BABAM2: variants seen among roughly 807,000 people sequenced by gnomAD.
BABAM2 encodes the protein BRISC and BRCA1-A complex member 2.
A neutral mutation model predicts 54.7 loss-of-function variants in BABAM2; 31 were observed. The ratio of observed to expected loss-of-function variants is 0.57; its 90% CI spans 0.43 to 0.77. The LOEUF (loss-of-function observed/expected upper bound fraction) is 0.77, where lower values mean the gene tolerates loss of function less well. Ranked by LOEUF, BABAM2 falls within the 30% of genes least tolerant of loss-of-function variation. The pLI, the probability that BABAM2 is intolerant of heterozygous loss-of-function variation, is 0.00. For synonymous variants in BABAM2, 167 were observed against 162.9 expected (o/e 1.03, Z -0.19); for missense variants, 364 against 455.8 (o/e 0.80, Z 1.83).
At chr2:28,306,243 T>C (rs1248474228) in intron 11 of BABAM2, among the ~76,000 whole-genome samples, 1 of 152,222 alleles carries the variant, frequency 6.6e-6, no homozygotes, top group Non-Finnish European at 1.5e-5. Flanking sequence ...TAAGTTAAAT[T>C]ACTTGTTAGT....
In BABAM2 at chr2:28,075,528, T is replaced by TTCTCTC. The variant is rs3056389; in HGVS notation, c.570+29743_570+29748dup. 3.3e-5 allele frequency among the ~76,000 whole-genome samples: 5 copies of TTCTCTC among 150,244 alleles called. No individual in the cohort carries two copies. In the South Asian group the frequency reaches 8.4e-4, roughly 25 times the overall value. ...CTATAAAAACAAAAACATCACGTTT[T>TTCTCTC]TCTCTCTCTCTCTCTCTCTTTCTCT... is the stretch of plus-strand genomic sequence containing the variant. On this transcript the variant is annotated intron_variant, in intron 6 of 11. Coordinates refer to ENST00000379624, the MANE Select transcript of BABAM2 (RefSeq NM_199191.3).
Position 28,076,476 on chromosome 2 carries a change from A to AG in BABAM2, c.570+30677_570+30678insG, listed in dbSNP as rs200865126. On this transcript the variant is annotated intron_variant, in intron 6 of 11. Coordinates refer to ENST00000379624, the MANE Select transcript of BABAM2 (RefSeq NM_199191.3). ...TTATTTTATATTTATTTATTTATTT[A>AG]TTTATTTAGTTAGTTAGTTAGTTAG... is the stretch of plus-strand genomic sequence containing the variant. Among the ~76,000 whole-genome samples, 38 of 148,124 alleles carry AG rather than the reference A, an allele frequency of 2.6e-4. No individual in the cohort carries two copies. The South Asian group carries it at 7.5e-3, about 29-fold the overall frequency.
intron 10 of BABAM2, among the ~76,000 whole-genome samples, chr2:28,290,575 G>A (rs1258675621): frequency 6.6e-6 from 1 of 152,184 alleles, no homozygotes; most frequent in Non-Finnish European, 1.5e-5. Flanking sequence ...TTTCTCATGT[G>A]TCATGCGCTG....
intron 3 of BABAM2, among the ~76,000 whole-genome samples, chr2:27,958,071 C>T (rs1558618015): frequency 6.6e-6 from 1 of 152,152 alleles, no homozygotes; most frequent in African/African-American, 2.4e-5. Flanking sequence ...AAACTGAGCA[C>T]TACCAGCTGA....
At chr2:28,035,050 C>G (rs570248277) in intron 5 of BABAM2, among the ~76,000 whole-genome samples, 1 of 152,044 alleles carries the variant, frequency 6.6e-6, no homozygotes, top group Non-Finnish European at 1.5e-5. Flanking sequence ...AAATACACAC[C>G]AGAGTTTGAA....
intron 10 of BABAM2, among the ~76,000 whole-genome samples, chr2:28,249,281 G>A (rs1281496328): frequency 6.6e-6 from 1 of 151,840 alleles, no homozygotes; most frequent in Non-Finnish European, 1.5e-5. Flanking sequence ...TAGAGACCGG[G>A]TTTCACCACG....
chr2:28,276,708 T>A (rs1233004630), intron 10 of BABAM2, among the ~76,000 whole-genome samples: 1 of 152,202 alleles, frequency 6.6e-6, no homozygotes, highest in Non-Finnish European at 1.5e-5. Context: ...TACATGTACA[T>A]ATATGTGTTC....
chr2:28,108,159 CATAT>C (rs1006816300), intron 6 of BABAM2, among the ~76,000 whole-genome samples: 2 of 151,394 alleles, frequency 1.3e-5, no homozygotes, highest in Non-Finnish European at 2.9e-5. Context: ...CAGGTTTTCA[CATAT>C]ATATATATGG....
At chr2:28,186,393 T>A (rs1030188528) in intron 7 of BABAM2, among the ~76,000 whole-genome samples, 3 of 152,186 alleles carry the variant, frequency 2.0e-5, no homozygotes, top group African/African-American at 7.2e-5. Flanking sequence ...TGAATTTTTG[T>A]CTTTATGGGA....
chr2:27,988,316 C>G (rs1672546818), intron 4 of BABAM2, among the ~76,000 whole-genome samples: 1 of 152,028 alleles, frequency 6.6e-6, no homozygotes, highest in African/African-American at 2.4e-5. Flanking sequence ...ATGAAAGTCT[C>G]TAGCATATTG....
At chr2:28,253,695 C>T (rs1447977484) in intron 10 of BABAM2, among the ~76,000 whole-genome samples, 4 of 152,304 alleles carry the variant, frequency 2.6e-5, no homozygotes, top group South Asian at 4.1e-4. Flanking sequence ...TAGAGCTTCA[C>T]GGAAACCCTG....
At chr2:28,198,457 C>T (rs1367162722) in intron 7 of BABAM2, among the ~76,000 whole-genome samples, 6 of 152,250 alleles carry the variant, frequency 3.9e-5, no homozygotes, top group South Asian at 4.2e-4. Context: ...TGAGCCACCG[C>T]GCCTGGCCAG....
chr2:28,170,132 T>A (rs1674159595), intron 7 of BABAM2, among the ~76,000 whole-genome samples: 1 of 152,124 alleles, frequency 6.6e-6, no homozygotes. Flanking sequence ...ATAAATAACG[T>A]GTTTTATAAT....
intron 2 of BABAM2, among the ~76,000 whole-genome samples, chr2:27,929,240 C>G (rs897926999): frequency 4.6e-5 from 7 of 151,754 alleles, no homozygotes; most frequent in African/African-American, 1.7e-4. Context: ...AAAGAAAATA[C>G]CAAACTGTTG....
chr2:27,905,153 A>T (rs1413460366), intron 2 of BABAM2, among the ~76,000 whole-genome samples: 1 of 152,220 alleles, frequency 6.6e-6, no homozygotes, highest in Admixed American at 6.5e-5. Context: ...CTTTTATCAG[A>T]ACACTTAAGA....
At chr2:27,946,350 G>T (rs1400280862) in intron 3 of BABAM2, among the ~76,000 whole-genome samples, 6 of 151,966 alleles carry the variant, frequency 3.9e-5, no homozygotes, top group African/African-American at 1.5e-4. Flanking sequence ...GATTAATTCC[G>T]CTTGATTATT....
intron 7 of BABAM2, among the ~76,000 whole-genome samples, chr2:28,215,484 G>A (rs565874144): frequency 6.6e-6 from 1 of 152,198 alleles, no homozygotes; most frequent in Non-Finnish European, 1.5e-5. Context: ...AAAGCATTCT[G>A]CTGGGCATTT....
intron 6 of BABAM2, among the ~76,000 whole-genome samples, chr2:28,081,697 T>C (rs1573540817): frequency 6.6e-6 from 1 of 152,206 alleles, no homozygotes; most frequent in African/African-American, 2.4e-5. Flanking sequence ...CAGCCCTAAA[T>C]GAATTTAGGT....
chr2:28,192,783 A>T (rs978894031), intron 7 of BABAM2, among the ~76,000 whole-genome samples: 1 of 151,940 alleles, frequency 6.6e-6, no homozygotes, highest in African/African-American at 2.4e-5. Context: ...GGGCCTCCCA[A>T]AGTGCTGTGA....
Sources: allele counts gnomAD v4.1 joint callset (sites outside exome capture counted in the v4.1 genomes callset), GRCh38; gene constraint gnomAD v4.1.1; transcripts MANE v1.5; gene names NCBI Gene and HGNC (gene_info 2026-07-23, HGNC 2026-07-21).